Variants in SAMD3 observed in about 807,000 individuals in gnomAD.
SAMD3 encodes the protein sterile alpha motif domain containing 3, also known as sterile alpha motif domain-containing protein 3.
In SAMD3, 63 loss-of-function variants were observed where a neutral mutation model predicts 58.5. That is an observed-to-expected ratio of 1.08 (90% confidence interval 0.88 to 1.33). The LOEUF (loss-of-function observed/expected upper bound fraction) is 1.33. SAMD3 is among the 40% of genes most tolerant of loss of function. The pLI is 0.00. For missense variants in SAMD3, 604 were observed against 608.4 expected, an observed-to-expected ratio of 0.99 and a Z score of 0.08; for synonymous variants, 220 against 210.3, an observed-to-expected ratio of 1.05 and a Z score of -0.40.
intron 2 of SAMD3, among the ~76,000 whole-genome samples, chr6:130,279,769 G>A (rs1209782697): frequency 1.3e-5 from 2 of 152,152 alleles, no homozygotes; most frequent in African/African-American, 4.8e-5. Flanking sequence ...ACAGGTGTGA[G>A]CCACTGTGCC....
At chr6:130,358,646 T>TA (rs1244279472) in intron 1 of SAMD3, among the ~76,000 whole-genome samples, 2 of 152,150 alleles carry the variant, frequency 1.3e-5, no homozygotes, top group Admixed American at 6.6e-5. Flanking sequence ...AATAAAAATT[T>TA]AGAGTAATAC....
At chr6:130,291,250 C>A (rs187268280) in intron 2 of SAMD3, among the ~76,000 whole-genome samples, 14 of 152,272 alleles carry the variant, frequency 9.2e-5, no homozygotes, top group African/African-American at 3.1e-4. Flanking sequence ...GCCACCACAC[C>A]TGGCTTTTTA....
chr6:130,228,980 G>C (rs1796462931), intron 2 of SAMD3, among the ~76,000 whole-genome samples: 1 of 152,202 alleles, frequency 6.6e-6, no homozygotes, highest in Non-Finnish European at 1.5e-5. Flanking sequence ...AAATTTAGTT[G>C]CTTCCCAGGC....
At chr6:130,303,946 T>C (rs1775831252) in intron 2 of SAMD3, among the ~76,000 whole-genome samples, 1 of 152,226 alleles carries the variant, frequency 6.6e-6, no homozygotes, top group Non-Finnish European at 1.5e-5. Flanking sequence ...AATTTTAAAG[T>C]TTTCGAATTT....
intron 2 of SAMD3, among the ~76,000 whole-genome samples, chr6:130,267,738 A>G (rs533320435): frequency 2.6e-5 from 4 of 152,278 alleles, no homozygotes; most frequent in Middle Eastern, 6.8e-3. Context: ...ATAGAAAGAC[A>G]TTGTGAAACT....
At chr6:130,179,346 C>G (rs1275993394) in intron 7 of SAMD3, among the ~76,000 whole-genome samples, 1 of 152,172 alleles carries the variant, frequency 6.6e-6, no homozygotes, top group Non-Finnish European at 1.5e-5. Context: ...ATAATCATCC[C>G]TCTCCTCCAT....
chr6:130,192,110 C>A lies in SAMD3; in HGVS notation c.384-7487G>T, dbSNP rs192300374. Among the ~76,000 whole-genome samples the A allele has an allele frequency of 4.0e-3, 608 of 152,360 alleles. 2 individuals are homozygous for A. The highest frequency in any genetic ancestry group is 0.013 in the African/African-American group (530 of 41,590). ...CCTGGTCCAACACTGGCCCTGTGAG[C>A]ACTCAACTACATCTAGTCTCCTTAT... On this transcript the variant is annotated intron_variant, in intron 5 of 11. Coordinates refer to ENST00000439090, the MANE Select transcript of SAMD3 (RefSeq NM_001017373.4).
intron 2 of SAMD3, among the ~76,000 whole-genome samples, chr6:130,289,186 G>T (rs1253554937): frequency 1.3e-5 from 2 of 152,098 alleles, no homozygotes; most frequent in Non-Finnish European, 2.9e-5. Context: ...TACTTTATAG[G>T]CTTTTAGCAT....
intron 1 of SAMD3, among the ~76,000 whole-genome samples, chr6:130,338,289 C>A (rs1777162763): frequency 6.6e-6 from 1 of 152,202 alleles, no homozygotes; most frequent in African/African-American, 2.4e-5. Flanking sequence ...GGAACTTCTG[C>A]CTAAATTTCA....
intron 8 of SAMD3, chr6:130,160,890 T>G (rs1302445446): frequency 2.0e-5 from 3 of 152,126 alleles, no homozygotes; most frequent in Admixed American, 1.3e-4. Context: ...TCATTTACTT[T>G]CAAGCTTTGT....
At chr6:130,292,159 C>A (rs1014760050) in intron 2 of SAMD3, among the ~76,000 whole-genome samples, 1 of 152,122 alleles carries the variant, frequency 6.6e-6, no homozygotes, top group Non-Finnish European at 1.5e-5. Flanking sequence ...GTAGGCAGAG[C>A]CACTGACCCA....
chr6:130,149,328 A>G (rs1462287198), intron 9 of SAMD3, among the ~76,000 whole-genome samples: 3 of 152,220 alleles, frequency 2.0e-5, no homozygotes, highest in Non-Finnish European at 2.9e-5. Flanking sequence ...GATTTCTCAA[A>G]GAACTTAAAA....
Position 130,184,152 on chromosome 6 carries a change from T to C in SAMD3, c.605A>G (p.Asn202Ser). Residue 202 changes from asparagine (N) to serine (S), a missense_variant, in exon 7 of 12, where the codon AAT becomes AGT. By Grantham distance (46) the Asn-to-Ser change is conservative. Transcript: ENST00000439090. ...PSTQQYNDVV[N>S]ALLQAHPFLD... is the part of the protein sequence containing the mutation. ...GAAAGGGTGGGCCTGCAGCAGGGCA[T>C]TAACCACGTCATTGTACTGCTGGGT... 1 of 1,614,086 alleles carries C rather than the reference T, an allele frequency of 6.2e-7. No individual in the cohort carries two copies. Among genetic ancestry groups the C allele is most frequent in the Non-Finnish European group, 8.5e-7 (1 of 1,179,990 alleles).
chr6:130,334,840 G>A (rs1052508154), intron 1 of SAMD3, among the ~76,000 whole-genome samples: 3 of 152,170 alleles, frequency 2.0e-5, no homozygotes, highest in African/African-American at 7.2e-5. Flanking sequence ...CCATCCGTGT[G>A]GTTATCTGAG....
chr6:130,317,425 A>G, intron 1 of SAMD3, among the ~76,000 whole-genome samples: 1 of 152,232 alleles, frequency 6.6e-6, no homozygotes, highest in Non-Finnish European at 1.5e-5. Context: ...ATTATGATAT[A>G]TGATACTATG....
At chr6:130,311,196 A>G (rs1321769232) in intron 2 of SAMD3, among the ~76,000 whole-genome samples, 7 of 152,226 alleles carry the variant, frequency 4.6e-5, no homozygotes, top group Admixed American at 3.9e-4. Flanking sequence ...AGCCTTTTCT[A>G]TTGTGAATAT....
At chr6:130,308,430 ATTCTATT>A (rs1562513290) in intron 2 of SAMD3, among the ~76,000 whole-genome samples, 76 of 114,230 alleles carry the variant, frequency 6.7e-4, no homozygotes, top group Non-Finnish European at 1.2e-3. Context: ...ATTCTATTCT[ATTCTATT>A]CTTTTGTGTG....
At chr6:130,227,846 T>C (rs1043216779), upstream of SAMD3, among the ~76,000 whole-genome samples, 2 of 151,614 alleles carry the variant, frequency 1.3e-5, no homozygotes, top group Non-Finnish European at 1.5e-5. Context: ...TCTGATTTCC[T>C]GCTGCAGCAT....
chr6:130,258,359 G>A (rs999893964), intron 2 of SAMD3, among the ~76,000 whole-genome samples: 1 of 152,082 alleles, frequency 6.6e-6, no homozygotes, highest in African/African-American at 2.4e-5. Context: ...TAATTGAAGT[G>A]TCTAGTCTAT....
Sources: gnomAD v4.1 joint callset for allele counts (sites outside exome capture counted in the v4.1 genomes callset) on GRCh38, gnomAD v4.1.1 for gene constraint, MANE v1.5 for transcripts, NCBI Gene and HGNC (gene_info 2026-07-23, HGNC 2026-07-21) for gene names.